The following TMCO6 variants were observed in gnomAD, a reference collection of about 807,000 sequenced individuals.
TMCO6 encodes transmembrane and coiled-coil domains 6, also known as transmembrane and coiled-coil domain-containing protein 6.
In TMCO6, 47 loss-of-function variants were observed where a neutral mutation model predicts 61.8. That is an observed-to-expected ratio of 0.76 (90% CI 0.60 to 0.97). The LOEUF is 0.97. Ranked by LOEUF, TMCO6 falls within the 50% of genes least tolerant of loss-of-function variation. The probability of loss-of-function intolerance (pLI) is 0.00; values close to 1 mark genes in which losing one functional copy is unlikely to be tolerated. For synonymous variants in TMCO6, 261 were observed against 254.2 expected (o/e 1.03, Z -0.25); for missense variants, 557 against 601.6 (o/e 0.93, Z 0.78).
the TMCO6 span, among the ~76,000 whole-genome samples, chr5:140,634,413 G>T: frequency 6.6e-6 from 1 of 150,560 alleles, no homozygotes; most frequent in Non-Finnish European, 1.5e-5. Context: ...AGAATAAGGA[G>T]CTACGCATTT....
At chr5:140,646,009 CTTTT>C (rs5871744), downstream of TMCO6, among the ~76,000 whole-genome samples, 6 of 124,120 alleles carry the variant, frequency 4.8e-5, no homozygotes, top group Non-Finnish European at 8.4e-5. Context: ...CATTCTCTCT[CTTTT>C]TTTTTTTTTT....
chr5:140,643,758 A>AC (rs756420856), intron 8 of TMCO6, 22 bp from the exon 9 acceptor site: 24 of 1,607,250 alleles, frequency 1.5e-5, no homozygotes, highest in Admixed American at 3.4e-5. Flanking sequence ...CTTACACCTG[A>AC]CCCCCCAATT....
At chr5:140,612,241 C>A in the TMCO6 span, among the ~76,000 whole-genome samples, 1 of 152,214 alleles carries the variant, frequency 6.6e-6, no homozygotes, top group South Asian at 2.1e-4. Context: ...GGAGCCCTTG[C>A]ATCTCTCAGT....
At chr5:140,626,055 C>A in the TMCO6 span, among the ~76,000 whole-genome samples, 1 of 152,148 alleles carries the variant, frequency 6.6e-6, no homozygotes, top group East Asian at 1.9e-4. Context: ...CCCCTCCTGG[C>A]CTGGGTGAAC....
At chr5:140,603,812 A>C in the TMCO6 span, among the ~76,000 whole-genome samples, 10 of 152,244 alleles carry the variant, frequency 6.6e-5, no homozygotes, top group African/African-American at 2.4e-4. Flanking sequence ...TTTGTGTGCA[A>C]GTTTCTGTGT....
chr5:140,644,246 A>T, intron 10 of TMCO6, 52 bp downstream of exon 10: 1 of 1,573,004 alleles, frequency 6.4e-7, no homozygotes. Flanking sequence ...ATTGTATGGG[A>T]CAGCAGTCCT....
rs1475040959 is a variant in TMCO6, at chr5:140,644,725, C to A, written c.1353C>A (p.Phe451Leu). 2 of 1,614,232 alleles carry A rather than the reference C, an allele frequency of 1.2e-6. No homozygotes were observed. Among genetic ancestry groups the A allele is most frequent in the East Asian group, 4.5e-5 (2 of 44,888 alleles). The change falls in exon 11 of 12, where the codon TTC becomes TTA. Residue 451 changes from phenylalanine (F) to leucine (L), a missense_variant. Coordinates refer to ENST00000394671, the MANE Select transcript of TMCO6 (RefSeq NM_018502.5). ...GTTTGGAGCTGCTGCATCTGCTGTT[C>A]CTGTATCAGCCAGAGGTATAGGTTT... ...GQSLELLHLL[F>L]LYQPEAVQVF...
At chr5:140,628,680 G>A in the TMCO6 span, among the ~76,000 whole-genome samples, 1 of 152,110 alleles carries the variant, frequency 6.6e-6, no homozygotes, top group Non-Finnish European at 1.5e-5. Context: ...CCTCCAGTGA[G>A]CCACCCACCT....
At chr5:140,642,459 T>C (rs1201126722) in intron 5 of TMCO6, 40 bp downstream of exon 5, 2 of 1,606,660 alleles carry the variant, frequency 1.2e-6, no homozygotes, top group South Asian at 1.1e-5. Flanking sequence ...CTTCCTTTGC[T>C]CCTCCCCACA....
chr5:140,630,317 T>A, the TMCO6 span, among the ~76,000 whole-genome samples: 185 of 69,248 alleles, frequency 2.7e-3, no homozygotes, highest in African/African-American at 0.012. Flanking sequence ...TTAAAAAAAA[T>A]TTTTTTTTTT....
chr5:140,634,128 C>T, the TMCO6 span, among the ~76,000 whole-genome samples: 1 of 152,114 alleles, frequency 6.6e-6, no homozygotes, highest in African/African-American at 2.4e-5. Context: ...AACAGAGACA[C>T]ATTGGCCAAG....
the TMCO6 span, among the ~76,000 whole-genome samples, chr5:140,612,153 A>G: frequency 3.9e-5 from 6 of 152,140 alleles, no homozygotes; most frequent in Admixed American, 3.3e-4. Context: ...AAGTCCTACA[A>G]CCACAACATT....
chr5:140,646,478 A>G (rs960327804), downstream of TMCO6, among the ~76,000 whole-genome samples: 2 of 152,084 alleles, frequency 1.3e-5, no homozygotes, highest in Non-Finnish European at 2.9e-5. Context: ...TGTCTCACAG[A>G]TATCTACTCT....
chr5:140,642,184 T>C, intron 4 of TMCO6, 131 bp downstream of exon 4: 2 of 1,403,120 alleles, frequency 1.4e-6, no homozygotes, highest in Non-Finnish European at 9.8e-7. Context: ...GCTACACCCA[T>C]CATCTCCCCA....
chr5:140,640,607 C>G (rs1314503514), intron 2 of TMCO6, among the ~76,000 whole-genome samples: 1 of 152,114 alleles, frequency 6.6e-6, no homozygotes, highest in East Asian at 1.9e-4. Flanking sequence ...TCATGTTTGT[C>G]AGGCTGGTCT....
chr5:140,640,501 G>C (rs1442265643), intron 2 of TMCO6, among the ~76,000 whole-genome samples: 1 of 151,784 alleles, frequency 6.6e-6, no homozygotes, highest in Non-Finnish European at 1.5e-5. Context: ...CGCCTCCCGG[G>C]TTCAAGCGAT....
the TMCO6 span, among the ~76,000 whole-genome samples, chr5:140,628,970 A>G: frequency 6.6e-6 from 1 of 152,214 alleles, no homozygotes; most frequent in Non-Finnish European, 1.5e-5. Flanking sequence ...GTTACAATCC[A>G]AACAGTTAAA....
chr5:140,643,697 A>T, intron 8 of TMCO6, 22 bp downstream of exon 8: 1 of 1,606,198 alleles, frequency 6.2e-7, no homozygotes, highest in Non-Finnish European at 8.5e-7. Flanking sequence ...TGTCAGGTGA[A>T]ATTCTGGGAG....
At chr5:140,641,545 T>C in intron 2 of TMCO6, 120 bp from the exon 3 acceptor site, 1 of 764,078 alleles carries the variant, frequency 1.3e-6, no homozygotes, top group South Asian at 1.7e-5. Flanking sequence ...GTTGCATTAG[T>C]GTGAATGACA....
Sources: allele counts gnomAD v4.1 joint callset (sites outside exome capture counted in the v4.1 genomes callset), GRCh38; gene constraint gnomAD v4.1.1; transcripts MANE v1.5; gene names NCBI Gene and HGNC (gene_info 2026-07-23, HGNC 2026-07-21).